Variants in PCSK2 observed in about 807,000 individuals in gnomAD.
PCSK2 encodes the protein proprotein convertase subtilisin/kexin type 2.
PCSK2 carries 14 observed loss-of-function variants against 69.7 expected under a neutral mutation model. That is an observed-to-expected ratio of 0.20 (90% confidence interval 0.13 to 0.31). PCSK2 has a LOEUF of 0.31. PCSK2 is among the 10% of genes least tolerant of loss of function. The probability of loss-of-function intolerance (pLI) is 1.00; values close to 1 mark genes in which losing one functional copy is unlikely to be tolerated. For missense variants in PCSK2, 544 were observed against 842.5 expected (o/e 0.65, Z 4.39); for synonymous variants, 307 against 320.7 (o/e 0.96, Z 0.46).
intron 2 of PCSK2, among the ~76,000 whole-genome samples, chr20:17,323,977 C>T (rs986472514): frequency 1.3e-5 from 2 of 152,232 alleles, no homozygotes; most frequent in East Asian, 1.9e-4. Context: ...ATGCTCCCCA[C>T]CAGAGAAGCC....
At chr20:17,287,484 G>A (rs1019384151) in intron 2 of PCSK2, among the ~76,000 whole-genome samples, 1 of 149,346 alleles carries the variant, frequency 6.7e-6, no homozygotes, top group Non-Finnish European at 1.5e-5. Flanking sequence ...GAGGAAATAA[G>A]AGAATGATAC....
chr20:17,308,818 TCCCATCTTCC>T (rs1989411361), intron 2 of PCSK2, among the ~76,000 whole-genome samples: 1 of 152,102 alleles, frequency 6.6e-6, no homozygotes, highest in East Asian at 1.9e-4. Flanking sequence ...CCATGTGGTC[TCCCATCTTCC>T]AGGAGGCTAG....
Position 17,458,589 on chromosome 20 carries a change from C to T in PCSK2, c.1202+2141C>T, listed in dbSNP as rs576647222. On this transcript the variant is annotated intron_variant, in intron 10 of 11. Coordinates refer to ENST00000262545, the MANE Select transcript of PCSK2 (RefSeq NM_002594.5). ...AGAGGGATGAGGAATAGGGCCTCCA[C>T]AGAGCAGTCCCAAAGCTCATCTCTC... Among the ~76,000 whole-genome samples the T allele has an allele frequency of 2.0e-5, 3 of 152,310 alleles. No homozygotes were observed. The South Asian group carries it at 6.2e-4, about 32-fold the overall frequency.
intron 2 of PCSK2, among the ~76,000 whole-genome samples, chr20:17,346,760 C>T (rs1420787294): frequency 6.6e-6 from 1 of 152,160 alleles, no homozygotes; most frequent in African/African-American, 2.4e-5. Flanking sequence ...TTTTAATATC[C>T]TTTTCCTTAA....
intron 3 of PCSK2, among the ~76,000 whole-genome samples, chr20:17,360,168 A>G (rs1037289188): frequency 9.9e-5 from 15 of 152,214 alleles, no homozygotes; most frequent in African/African-American, 3.6e-4. Context: ...TGAGGTAGAA[A>G]CAAAGAGCTA....
At chr20:17,364,992 A>G (rs189780854) in intron 4 of PCSK2, among the ~76,000 whole-genome samples, 43 of 152,254 alleles carry the variant, frequency 2.8e-4, no homozygotes, top group East Asian at 1.9e-3. Context: ...AGTGGCTATA[A>G]ACTCTATCCT....
At chr20:17,410,674 G>C (rs905543887) in intron 6 of PCSK2, among the ~76,000 whole-genome samples, 1 of 152,188 alleles carries the variant, frequency 6.6e-6, no homozygotes, top group Admixed American at 6.5e-5. Flanking sequence ...AAAACTTTTG[G>C]CATGAAGTGT....
chr20:17,448,995 G>A (rs1334358841), intron 8 of PCSK2, among the ~76,000 whole-genome samples: 1 of 151,290 alleles, frequency 6.6e-6, no homozygotes, highest in Non-Finnish European at 1.5e-5. Context: ...CTCCTCCCGA[G>A]TAGCTAAGAC....
In PCSK2 at chr20:17,433,812, T is replaced by TCTCTCTCTCTCCCC. The variant is rs774361715; in HGVS notation, c.710-2895_710-2894insTCTCTCTCTCCCCC. ...CTCTCTCTCTCTCTCTCTCTCTCTC[T>TCTCTCTCTCTCCCC]CCCCCCACTTCCTTCCCTCCTCCTC... On this transcript the variant is annotated intron_variant, in intron 7 of 11. Transcript: ENST00000262545. Among the ~76,000 whole-genome samples the TCTCTCTCTCTCCCC allele has an allele frequency of 3.5e-4, 36 of 104,170 alleles. 2 individuals are homozygous for TCTCTCTCTCTCCCC. Among genetic ancestry groups the TCTCTCTCTCTCCCC allele is most frequent in the African/African-American group, 1.3e-3 (31 of 24,294 alleles). The allele number at this position is 104,170 out of a possible 152,430, so 68.3% of individuals were successfully genotyped here. A position where few individuals can be genotyped will look rare whatever the true frequency, so the allele number is the denominator to read the frequency against.
intron 10 of PCSK2, among the ~76,000 whole-genome samples, chr20:17,457,684 C>A (rs146433172): frequency 6.6e-6 from 1 of 152,322 alleles, no homozygotes; most frequent in Non-Finnish European, 1.5e-5. Context: ...TAAAACTGTT[C>A]ATCTCAGGGT....
intron 2 of PCSK2, among the ~76,000 whole-genome samples, 197 bp from the exon 3 acceptor site, chr20:17,358,130 A>AC (rs139541917): frequency 0.21 from 31,865 of 150,582 alleles, 3,955 homozygotes; most frequent in East Asian, 0.54. Context: ...ACATAGCGAG[A>AC]CCCCCCCTAA....
rs148230076 is a variant in PCSK2 at position 17,311,471 on chromosome 20, G to C, written c.283-46856G>C. ...GGTGGTATCACCTTTAACTGAAGTA[G>C]TAAGCTGTTGGTCTTCCAAGGTGAC... On this transcript the variant is annotated intron_variant, in intron 2 of 11. Coordinates refer to ENST00000262545, the MANE Select transcript of PCSK2 (RefSeq NM_002594.5). Among the ~76,000 whole-genome samples the C allele has an allele frequency of 5.8e-4, 88 of 152,188 alleles. No individual in the cohort carries two copies. In the East Asian group the frequency reaches 0.015, roughly 27 times the overall value.
chr20:17,274,855 T>G (rs1988001573), intron 2 of PCSK2, among the ~76,000 whole-genome samples: 1 of 151,952 alleles, frequency 6.6e-6, no homozygotes, highest in Non-Finnish European at 1.5e-5. Context: ...GGATGAGTGG[T>G]GGAGAACTGA....
chr20:17,405,597 A>G (rs1423620725), intron 5 of PCSK2, among the ~76,000 whole-genome samples: 1 of 152,236 alleles, frequency 6.6e-6, no homozygotes, highest in Non-Finnish European at 1.5e-5. Flanking sequence ...CTGTGAATAT[A>G]ATAAGTGACT....
At chr20:17,267,798 A>T (rs910851447) in intron 2 of PCSK2, among the ~76,000 whole-genome samples, 1 of 152,072 alleles carries the variant, frequency 6.6e-6, no homozygotes, top group African/African-American at 2.4e-5. Context: ...TTTCTTTGGG[A>T]GAATTCTTAC....
Position 17,436,321 on chromosome 20 carries a change from T to A in PCSK2, c.710-387T>A, listed in dbSNP as rs114271925. Among the ~76,000 whole-genome samples, 1,255 of 152,230 alleles carry A rather than the reference T, an allele frequency of 8.2e-3. 22 individuals carry two copies. Among genetic ancestry groups the A allele is most frequent in the African/African-American group, 0.028 (1,154 of 41,544 alleles). ...TCAAATATTGATTGCCTCCCCCATCTATCATATGTAGTAGCTTTATTTCTC... is the reference window on the plus strand; with the variant it reads ...TCAAATATTGATTGCCTCCCCCATCAATCATATGTAGTAGCTTTATTTCTC... On this transcript the variant is annotated intron_variant, in intron 7 of 11. Coordinates refer to ENST00000262545, the MANE Select transcript of PCSK2 (RefSeq NM_002594.5).
intron 1 of PCSK2, among the ~76,000 whole-genome samples, chr20:17,253,669 T>C (rs1171984184): frequency 5.3e-5 from 8 of 152,236 alleles, no homozygotes. Flanking sequence ...GCTATAAACA[T>C]TTGTATACAA....
In PCSK2 at chr20:17,471,768, A is replaced by G. The variant is rs115321139; in HGVS notation, c.1430+6215A>G. 6.8e-3 allele frequency among the ~76,000 whole-genome samples: 1,037 copies of G among 152,260 alleles called. 14 individuals carry two copies. The highest frequency in any genetic ancestry group is 0.024 in the African/African-American group (1,000 of 41,540). ...AAGAATGCAGAGGCTCCACAGGGAGATTTGGAGAGCAGCCCCAGGGCTGGC... is the reference window on the plus strand; with the variant it reads ...AAGAATGCAGAGGCTCCACAGGGAGGTTTGGAGAGCAGCCCCAGGGCTGGC... On this transcript the variant is annotated intron_variant, in intron 11 of 11. Coordinates refer to ENST00000262545, the MANE Select transcript of PCSK2 (RefSeq NM_002594.5).
At chr20:17,408,194 C>T (rs142905625) in intron 5 of PCSK2, among the ~76,000 whole-genome samples, 14 of 152,016 alleles carry the variant, frequency 9.2e-5, no homozygotes, top group African/African-American at 3.1e-4. Context: ...AACCAAGAAG[C>T]CATCTGGGGT....
Sources: gnomAD v4.1 joint callset for allele counts (sites outside exome capture counted in the v4.1 genomes callset) on GRCh38, gnomAD v4.1.1 for gene constraint, MANE v1.5 for transcripts, NCBI Gene and HGNC (gene_info 2026-07-23, HGNC 2026-07-21) for gene names.